Variants in CNBD1 observed in about 807,000 individuals in gnomAD.
CNBD1 encodes the protein cyclic nucleotide-binding domain-containing protein 1.
CNBD1 carries 71 observed loss-of-function variants against 54.4 expected under a neutral mutation model. The observed-to-expected ratio is 1.30, with a 90% CI of 1.08 to 1.59. The LOEUF is 1.59. Among genes scored for constraint, CNBD1 ranks in the 40% most tolerant of loss-of-function variants. The pLI, the probability that CNBD1 is intolerant of heterozygous loss-of-function variation, is 0.00. For synonymous variants in CNBD1, 182 were observed against 170.7 expected (o/e 1.07, Z -0.51); for missense variants, 659 against 518.0 (o/e 1.27, Z -2.64).
chr8:87,299,115 G>A (rs1019467470), intron 8 of CNBD1, among the ~76,000 whole-genome samples: 7 of 152,204 alleles, frequency 4.6e-5, no homozygotes, highest in African/African-American at 7.2e-5. Flanking sequence ...GCAACTGCCT[G>A]TGGGTTTGCA....
rs1410604640 is a variant in CNBD1, at chr8:87,163,474, TG to T, written c.432-42518del. ...AATACAAGGTATCTTTCCATTTATT[TG>T]TGTCTTCTTCAATTTCCTATTCAAT... On this transcript the variant is annotated intron_variant, in intron 4 of 10. Coordinates refer to ENST00000518476, the MANE Select transcript of CNBD1 (RefSeq NM_173538.3). This position sits in a 1 kb window ranked among gnomAD's most constrained non-coding sequence, Gnocchi z 4.5. 6.6e-6 allele frequency among the ~76,000 whole-genome samples: 1 copy of T among 152,044 alleles called. No homozygotes were observed. The highest frequency in any genetic ancestry group is 2.4e-5 in the African/African-American group (1 of 41,444).
Position 87,296,964 on chromosome 8 carries a change from G to A in CNBD1, c.1042+10293G>A, listed in dbSNP as rs894146425. On this transcript the variant is annotated intron_variant, in intron 8 of 10. Coordinates refer to ENST00000518476, the MANE Select transcript of CNBD1 (RefSeq NM_173538.3). The stretch of plus-strand genomic sequence containing the variant: ...GCCGAGGCGGGCGGATCACGAAGTC[G>A]GGAAATCAAGGCCATCCTAGCTAAC... Among the ~76,000 whole-genome samples, 17 of 151,530 alleles carry A rather than the reference G, an allele frequency of 1.1e-4. 1 individual carries two copies. Among genetic ancestry groups the A allele is most frequent in the Non-Finnish European group, 2.2e-4 (15 of 67,826 alleles).
chr8:87,368,848 A>G lies in CNBD1; in HGVS notation c.1304-13772A>G, dbSNP rs150997341. Among the ~76,000 whole-genome samples, 1,097 of 152,030 alleles carry G rather than the reference A, an allele frequency of 7.2e-3. 5 individuals carry two copies. The highest frequency in any genetic ancestry group is 0.01 in the Non-Finnish European group (682 of 67,964). ...ATATCTGAGGGTTACATTCTGTGCA[A>G]ATCTGCCATAGGAGAATTATGTGGC... is the stretch of plus-strand genomic sequence containing the variant. On this transcript the variant is annotated intron_variant, in intron 10 of 10. Coordinates refer to ENST00000518476, the MANE Select transcript of CNBD1 (RefSeq NM_173538.3).
chr8:87,038,654 C>T (rs188175529), intron 4 of CNBD1, among the ~76,000 whole-genome samples: 79 of 152,280 alleles, frequency 5.2e-4, no homozygotes, highest in Admixed American at 1.8e-3. Flanking sequence ...CTCACATCTT[C>T]CTAATGTATT....
chr8:86,951,863 A>G (rs1449753849), intron 4 of CNBD1, among the ~76,000 whole-genome samples: 1 of 152,034 alleles, frequency 6.6e-6, no homozygotes. Flanking sequence ...CAAGCTGGGA[A>G]GTACTTAGGG....
chr8:87,071,776 T>A (rs970662983), intron 4 of CNBD1, among the ~76,000 whole-genome samples: 3 of 152,122 alleles, frequency 2.0e-5, no homozygotes, highest in Admixed American at 6.5e-5. Context: ...ATAAGAAGAA[T>A]GTATATTCTG....
intron 6 of CNBD1, among the ~76,000 whole-genome samples, chr8:87,260,310 G>T (rs1204006011): frequency 6.6e-6 from 1 of 152,120 alleles, no homozygotes; most frequent in Non-Finnish European, 1.5e-5. Flanking sequence ...AAAACAAGAT[G>T]GAGACCTCAT....
chr8:87,373,476 A>C (rs981076536), intron 10 of CNBD1, among the ~76,000 whole-genome samples: 1 of 151,856 alleles, frequency 6.6e-6, no homozygotes. Context: ...TTAAGTTTTA[A>C]TTCTTAACAT....
chr8:87,301,213 T>G (rs1808981910), intron 8 of CNBD1, among the ~76,000 whole-genome samples: 1 of 151,998 alleles, frequency 6.6e-6, no homozygotes. Context: ...AATTTAAAAA[T>G]TGCCAACAAA....
intron 4 of CNBD1, among the ~76,000 whole-genome samples, chr8:87,155,381 T>C (rs562663615): frequency 2.7e-4 from 41 of 152,188 alleles, no homozygotes; most frequent in Non-Finnish European, 5.0e-4. Context: ...GTGTAGAAGA[T>C]ATATTAAAGG....
chr8:87,406,481 T>C (rs200964389), intron 2 of CNBD1, among the ~76,000 whole-genome samples: 13 of 81,506 alleles, frequency 1.6e-4, no homozygotes, highest in African/African-American at 1.3e-3. Context: ...CACACACACT[T>C]TTTTTTTTTT....
chr8:86,937,702 G>A (rs1809574151), intron 3 of CNBD1, among the ~76,000 whole-genome samples: 1 of 151,114 alleles, frequency 6.6e-6, no homozygotes, highest in Non-Finnish European at 1.5e-5. Flanking sequence ...ACTGCACAAA[G>A]CAGCAAGGCT....
At chr8:87,426,703 A>C (rs901740962) in intron 2 of CNBD1, among the ~76,000 whole-genome samples, 16 of 152,170 alleles carry the variant, frequency 1.1e-4, no homozygotes, top group African/African-American at 3.9e-4. Flanking sequence ...TGAGGACTAC[A>C]TGAAATAACG....
At chr8:87,222,347 TGA>T (rs151075075) in intron 5 of CNBD1, among the ~76,000 whole-genome samples, 2,886 of 152,242 alleles carry the variant, frequency 0.019, 251 homozygotes, top group Admixed American at 0.15. Context: ...CTAGGCTGTG[TGA>T]TATGAGCTGG....
At chr8:87,415,671 A>G (rs1171290867) in intron 2 of CNBD1, among the ~76,000 whole-genome samples, 1 of 152,008 alleles carries the variant, frequency 6.6e-6, no homozygotes, top group South Asian at 2.1e-4. Context: ...TATTTTCAAG[A>G]CAGCATTAAT....
intron 10 of CNBD1, among the ~76,000 whole-genome samples, chr8:87,361,733 T>G (rs1279336785): frequency 6.7e-6 from 1 of 150,240 alleles, no homozygotes; most frequent in Non-Finnish European, 1.5e-5. Flanking sequence ...ATAGAAAATC[T>G]TTGGCTAATA....
intron 2 of CNBD1, among the ~76,000 whole-genome samples, chr8:87,410,895 T>G (rs1233382039): frequency 2.6e-5 from 4 of 152,140 alleles, no homozygotes; most frequent in African/African-American, 9.6e-5. Flanking sequence ...TGCAAAAAGA[T>G]TATGACTCAC....
chr8:87,407,837 C>G (rs1172898454), intron 2 of CNBD1, among the ~76,000 whole-genome samples: 1 of 151,846 alleles, frequency 6.6e-6, no homozygotes, highest in Non-Finnish European at 1.5e-5. Context: ...TGAATAATGA[C>G]TGCTTTGTAT....
At position 87,100,676 on chromosome 8, in the gene CNBD1, A is replaced by C. The variant is rs1028891598; in HGVS notation, c.432-105317A>C. Among the ~76,000 whole-genome samples the C allele has an allele frequency of 2.0e-5, 3 of 152,132 alleles. No homozygotes were observed. The East Asian group carries it at 5.8e-4, about 29-fold the overall frequency. On this transcript the variant is annotated intron_variant, in intron 4 of 10. Coordinates refer to ENST00000518476, the MANE Select transcript of CNBD1 (RefSeq NM_173538.3). The stretch of plus-strand genomic sequence containing the variant: ...TTTTCAATAGAGATGGGGTTTCACC[A>C]TCTCTTGATGCTGGTCTTGAATTCT...
Sources: allele counts gnomAD v4.1 joint callset (sites outside exome capture counted in the v4.1 genomes callset), GRCh38; gene constraint gnomAD v4.1.1; non-coding constraint Gnocchi (gnomAD v3.1); transcripts MANE v1.5; gene names NCBI Gene and HGNC (gene_info 2026-07-23, HGNC 2026-07-21).